PIBF1: variants seen among roughly 807,000 people sequenced by gnomAD.
PIBF1 encodes the protein progesterone-induced-blocking factor 1.
In PIBF1, 90 loss-of-function variants were observed where a neutral mutation model predicts 112.5. The ratio of observed to expected loss-of-function variants is 0.80; its 90% confidence interval spans 0.67 to 0.95. The LOEUF (loss-of-function observed/expected upper bound fraction) is 0.95, where lower values mean the gene tolerates loss of function less well. PIBF1 is among the 40% of genes least tolerant of loss of function. The probability of loss-of-function intolerance (pLI) is 0.00; values close to 1 mark genes in which losing one functional copy is unlikely to be tolerated. For synonymous variants in PIBF1, 301 were observed against 288.6 expected, an observed-to-expected ratio of 1.04 and a Z score of -0.44; for missense variants, 915 against 852.3, an observed-to-expected ratio of 1.07 and a Z score of -0.92.
intron 14 of PIBF1, among the ~76,000 whole-genome samples, chr13:72,963,914 C>A (rs964310543): frequency 1.3e-5 from 2 of 152,204 alleles, no homozygotes; most frequent in Middle Eastern, 3.4e-3. Context: ...ACTGTGGAAC[C>A]GTTGCAGTTC....
chr13:72,868,737 A>G (rs1258536916), intron 10 of PIBF1, among the ~76,000 whole-genome samples: 2 of 151,214 alleles, frequency 1.3e-5, no homozygotes, highest in Non-Finnish European at 2.9e-5. Flanking sequence ...TAATCCCTAC[A>G]CTTTGGGAGG....
intron 13 of PIBF1, among the ~76,000 whole-genome samples, chr13:72,923,689 G>C (rs1044350847): frequency 6.6e-6 from 1 of 152,188 alleles, no homozygotes; most frequent in Non-Finnish European, 1.5e-5. Flanking sequence ...GCAGGGCCAG[G>C]CACGGTGGCT....
rs139601422 is a variant in PIBF1 at position 72,859,982 on chromosome 13, T to C, written c.1322+5827T>C. 1.9e-3 allele frequency among the ~76,000 whole-genome samples: 282 copies of C among 152,258 alleles called. 1 individual carries two copies. Among genetic ancestry groups the C allele is most frequent in the African/African-American group, 6.1e-3 (255 of 41,546 alleles). ...ATTTCTTACTTGGCAAGACATAAAG[T>C]AGTAGAATTGGGACCACTGGGTAAT... On this transcript the variant is annotated intron_variant, in intron 10 of 17. Transcript: ENST00000326291.
At chr13:72,826,301 G>C (rs943941148) in intron 6 of PIBF1, among the ~76,000 whole-genome samples, 4 of 152,060 alleles carry the variant, frequency 2.6e-5, no homozygotes, top group Admixed American at 6.6e-5. Flanking sequence ...AAGAAAAAAG[G>C]CTTTCTAAAC....
intron 14 of PIBF1, among the ~76,000 whole-genome samples, chr13:72,958,140 G>A (rs898075102): frequency 2.6e-5 from 4 of 151,228 alleles, no homozygotes; most frequent in South Asian, 2.1e-4. Context: ...AAAGAATCAC[G>A]TAAGATTCTT....
chr13:72,949,128 T>C (rs1252694989), intron 14 of PIBF1, among the ~76,000 whole-genome samples: 1 of 152,166 alleles, frequency 6.6e-6, no homozygotes, highest in Non-Finnish European at 1.5e-5. Context: ...TACTGAATAC[T>C]GTAATATATG....
chr13:72,921,628 G>A (rs1239740374), intron 13 of PIBF1, among the ~76,000 whole-genome samples: 1 of 151,986 alleles, frequency 6.6e-6, no homozygotes, highest in Admixed American at 6.6e-5. Context: ...TATCCAAAAC[G>A]TTAATTTTTA....
At chr13:72,990,807 C>T (rs985783168) in intron 16 of PIBF1, among the ~76,000 whole-genome samples, 1 of 152,170 alleles carries the variant, frequency 6.6e-6, no homozygotes, top group Admixed American at 6.5e-5. Context: ...AAGATCATGC[C>T]ACTGCACTCC....
At chr13:72,882,723 C>G (rs2039692229) in intron 10 of PIBF1, among the ~76,000 whole-genome samples, 1 of 152,098 alleles carries the variant, frequency 6.6e-6, no homozygotes, top group Non-Finnish European at 1.5e-5. Flanking sequence ...AAATGCAAAT[C>G]AAAACTACAA....
chr13:73,013,324 A>G (rs2044273827), intron 17 of PIBF1, among the ~76,000 whole-genome samples: 1 of 149,718 alleles, frequency 6.7e-6, no homozygotes, highest in Non-Finnish European at 1.5e-5. Context: ...AAAAAAAAAA[A>G]AAGAAAATAT....
At chr13:72,883,227 C>T (rs2039713303) in intron 10 of PIBF1, among the ~76,000 whole-genome samples, 5 of 152,004 alleles carry the variant, frequency 3.3e-5, no homozygotes, top group Admixed American at 3.3e-4. Context: ...GTAAAATAAG[C>T]GAGGCACAAT....
rs113955522 is a variant in PIBF1, at chr13:72,792,431, T to C, written c.253-16T>C. On this transcript the variant is annotated splice_polypyrimidine_tract_variant and intron_variant, in intron 2 of 17. Transcript: ENST00000326291. Reference sequence around the variant, plus strand: ...TTATGACAAATCATATAATTTATCTTTTTCTCTTTACGAAGATTGAAGAAT... The same window carrying C: ...TTATGACAAATCATATAATTTATCTCTTTCTCTTTACGAAGATTGAAGAAT... 7.9e-3 allele frequency: 11,193 copies of C among 1,413,476 alleles called. 65 individuals carry two copies. Among genetic ancestry groups the C allele is most frequent in the Non-Finnish European group, 9.6e-3 (9,910 of 1,029,572 alleles). 87.6% of individuals were successfully genotyped at this position (1,413,476 alleles called of 1,614,324 possible).
chr13:72,805,882 T>C (rs2035706004), intron 5 of PIBF1, among the ~76,000 whole-genome samples: 1 of 152,262 alleles, frequency 6.6e-6, no homozygotes, highest in Non-Finnish European at 1.5e-5. Context: ...GATCAGTGAA[T>C]ACTTAGGCAA....
intron 16 of PIBF1, among the ~76,000 whole-genome samples, chr13:72,992,144 A>G (rs2043501641): frequency 6.6e-6 from 1 of 152,204 alleles, no homozygotes; most frequent in Non-Finnish European, 1.5e-5. Context: ...AGTGAGCTAC[A>G]GTCGCATCAC....
At chr13:72,801,085 T>C (rs190662844) in intron 5 of PIBF1, among the ~76,000 whole-genome samples, 46 of 152,274 alleles carry the variant, frequency 3.0e-4, no homozygotes, top group African/African-American at 1.1e-3. Flanking sequence ...ATGACTGGTA[T>C]GCTTGAAGGG....
intron 16 of PIBF1, among the ~76,000 whole-genome samples, chr13:72,982,533 A>C (rs552060726): frequency 6.6e-6 from 1 of 152,294 alleles, no homozygotes; most frequent in South Asian, 2.1e-4. Flanking sequence ...CCTCATTCCT[A>C]TAACTTTTTA....
At chr13:72,998,576 G>T (rs1014706560) in intron 16 of PIBF1, among the ~76,000 whole-genome samples, 1 of 152,144 alleles carries the variant, frequency 6.6e-6, no homozygotes. Flanking sequence ...AGCTCCACAG[G>T]TGATTTCAGT....
At chr13:72,967,498 G>A (rs2042773746) in intron 15 of PIBF1, among the ~76,000 whole-genome samples, 1 of 152,152 alleles carries the variant, frequency 6.6e-6, no homozygotes, top group Admixed American at 6.5e-5. Flanking sequence ...ATGCAACATT[G>A]TGATAGAGTA....
At chr13:73,002,270 T>G (rs1036430849) in intron 17 of PIBF1, among the ~76,000 whole-genome samples, 1 of 152,188 alleles carries the variant, frequency 6.6e-6, no homozygotes, top group Non-Finnish European at 1.5e-5. Flanking sequence ...GTGGGGAACT[T>G]TAATGTTAAA....
Sources: allele counts gnomAD v4.1 joint callset (sites outside exome capture counted in the v4.1 genomes callset), GRCh38; gene constraint gnomAD v4.1.1; transcripts MANE v1.5; gene names NCBI Gene and HGNC (gene_info 2026-07-23, HGNC 2026-07-21).